The following CRADD variants were observed in gnomAD, a reference collection of about 807,000 sequenced individuals.
The protein encoded by CRADD is CARD and death domain containing adaptor protein.
CRADD carries 9 observed loss-of-function variants against 15.5 expected under a neutral mutation model. The observed-to-expected ratio is 0.58, with a 90% CI of 0.35 to 1.01. The LOEUF is 1.01. CRADD is among the 50% of genes least tolerant of loss of function. The pLI is 0.02. For synonymous variants in CRADD, 118 were observed against 107.6 expected, an observed-to-expected ratio of 1.10 and a Z score of -0.60; for missense variants, 227 against 250.3, an observed-to-expected ratio of 0.91 and a Z score of 0.63.
At chr12:93,782,181 T>C (rs1957217856) in intron 2 of CRADD, among the ~76,000 whole-genome samples, 1 of 152,182 alleles carries the variant, frequency 6.6e-6, no homozygotes, top group South Asian at 2.1e-4. Flanking sequence ...GATGAGTTCA[T>C]GTCCTTTGTA....
At chr12:93,784,613 T>G (rs1348422440) in intron 2 of CRADD, among the ~76,000 whole-genome samples, 4 of 152,018 alleles carry the variant, frequency 2.6e-5, no homozygotes, top group Non-Finnish European at 5.9e-5. Context: ...GTGTCAGAGC[T>G]GTTTTTCAGC....
At chr12:93,807,730 G>A (rs374111969) in intron 2 of CRADD, among the ~76,000 whole-genome samples, 1 of 151,980 alleles carries the variant, frequency 6.6e-6, no homozygotes. Context: ...GGTCAGAAGT[G>A]GCTTCTCAAA....
At chr12:93,792,975 A>T (rs1253096675) in intron 2 of CRADD, among the ~76,000 whole-genome samples, 1 of 152,208 alleles carries the variant, frequency 6.6e-6, no homozygotes, top group African/African-American at 2.4e-5. Flanking sequence ...TGTATCTAGG[A>T]TCACAGATAA....
intron 2 of CRADD, among the ~76,000 whole-genome samples, chr12:93,862,501 A>G (rs1958326622): frequency 6.6e-6 from 1 of 152,102 alleles, no homozygotes; most frequent in Admixed American, 6.6e-5. Flanking sequence ...GGTGTGCTAG[A>G]GGAAGGGGAA....
chr12:93,711,034 A>AACCCC (rs1956057854), intron 2 of CRADD, among the ~76,000 whole-genome samples: 1 of 36,484 alleles, frequency 2.7e-5, no homozygotes, highest in Admixed American at 2.5e-4. Flanking sequence ...GCCCCCCTCC[A>AACCCC]CCCCACCCTC....
At chr12:93,687,821 A>G (rs1565871487) in intron 2 of CRADD, among the ~76,000 whole-genome samples, 2 of 152,202 alleles carry the variant, frequency 1.3e-5, no homozygotes, top group Non-Finnish European at 2.9e-5. Context: ...CAGACCCCAT[A>G]CAGGGGGTGA....
intron 2 of CRADD, among the ~76,000 whole-genome samples, chr12:93,838,795 C>A (rs1454699688): frequency 6.6e-6 from 1 of 151,788 alleles, no homozygotes; most frequent in Non-Finnish European, 1.5e-5. Flanking sequence ...GGCTCTTTCA[C>A]CCAAGCTGAA....
At position 93,776,523 on chromosome 12, in the gene CRADD, T is replaced by G. The variant is rs969717732; in HGVS notation, c.299-73447T>G. On this transcript the variant is annotated intron_variant, in intron 2 of 2. Transcript: ENST00000332896. The stretch of plus-strand genomic sequence containing the variant: ...AAGGCTTTTTCTTTTTAAAGAGGAC[T>G]TGAAGCCAGAGAAGAGGAGACAAAG... Among the ~76,000 whole-genome samples, 6 of 152,282 alleles carry G rather than the reference T, an allele frequency of 3.9e-5. No homozygotes were observed. In the South Asian group the frequency reaches 6.2e-4, roughly 16 times the overall value.
intron 2 of CRADD, among the ~76,000 whole-genome samples, chr12:93,787,846 C>T (rs996996846): frequency 1.3e-5 from 2 of 152,286 alleles, no homozygotes; most frequent in East Asian, 3.9e-4. Flanking sequence ...GGCATTATCA[C>T]TTACCATGGT....
At chr12:93,745,287 T>A (rs1399702127) in intron 2 of CRADD, among the ~76,000 whole-genome samples, 1 of 152,198 alleles carries the variant, frequency 6.6e-6, no homozygotes, top group Non-Finnish European at 1.5e-5. Flanking sequence ...GAAGTATGAA[T>A]TACATATGGG....
rs76486856 is a variant in CRADD at position 93,820,576 on chromosome 12, G to A, written c.299-29394G>A. ...AAAAAAAAAAAAGAAAAAAAAGCAT[G>A]CTCCCCTCTGAGAAGACGCATCACT... On this transcript the variant is annotated intron_variant, in intron 2 of 2. Transcript: ENST00000332896. 8.9e-3 allele frequency among the ~76,000 whole-genome samples: 1,351 copies of A among 151,656 alleles called. 23 individuals carry two copies. The highest frequency in any genetic ancestry group is 0.029 in the African/African-American group (1,195 of 41,394).
intron 2 of CRADD, among the ~76,000 whole-genome samples, chr12:93,759,521 T>A (rs1956926690): frequency 6.6e-6 from 1 of 152,172 alleles, no homozygotes. Flanking sequence ...CCCCAGAGAA[T>A]ACTGTTTGAC....
intron 2 of CRADD, among the ~76,000 whole-genome samples, chr12:93,872,669 T>C (rs1303623339): frequency 6.6e-6 from 1 of 152,144 alleles, no homozygotes; most frequent in Non-Finnish European, 1.5e-5. Flanking sequence ...GACTATCTTT[T>C]CCCCAGTGTA....
rs182541273 is a variant in CRADD, at chr12:93,712,193, A to C, written c.298+33121A>C. ...TTAATGAAAGAGGTACATACTTCGT[A>C]GAGTTGTTAAGAGGATTAAACTAGT... On this transcript the variant is annotated intron_variant, in intron 2 of 2. Coordinates refer to ENST00000332896, the MANE Select transcript of CRADD (RefSeq NM_003805.5). 2.0e-5 allele frequency among the ~76,000 whole-genome samples: 3 copies of C among 152,328 alleles called. No individual in the cohort carries two copies. The East Asian group carries it at 5.8e-4, about 29-fold the overall frequency.
At chr12:93,789,380 G>C (rs1411541950) in intron 2 of CRADD, among the ~76,000 whole-genome samples, 1 of 152,152 alleles carries the variant, frequency 6.6e-6, no homozygotes, top group African/African-American at 2.4e-5. Flanking sequence ...GAGCATGAAA[G>C]AACTGAAGAT....
chr12:93,743,387 A>AG (rs1239345804), intron 2 of CRADD, among the ~76,000 whole-genome samples: 1 of 152,144 alleles, frequency 6.6e-6, no homozygotes, highest in Non-Finnish European at 1.5e-5. Context: ...GCCGGAGTGC[A>AG]GTGGGTCCAA....
chr12:93,859,562 A>G (rs933072790), intron 2 of CRADD: 19 of 318,728 alleles, frequency 6.0e-5, no homozygotes, highest in South Asian at 5.2e-4. Context: ...TTAATGAAGA[A>G]TAACTCAAAG....
intron 2 of CRADD, among the ~76,000 whole-genome samples, chr12:93,863,768 A>T (rs1229901126): frequency 6.6e-6 from 1 of 152,106 alleles, no homozygotes; most frequent in Non-Finnish European, 1.5e-5. Flanking sequence ...CACCCCCAAT[A>T]AGCACTGCTG....
At chr12:93,782,327 C>T (rs1332046353) in intron 2 of CRADD, among the ~76,000 whole-genome samples, 2 of 136,494 alleles carry the variant, frequency 1.5e-5, no homozygotes, top group African/African-American at 5.7e-5. Flanking sequence ...GAACATCACA[C>T]ACCGGGGACT....
Sources: allele counts gnomAD v4.1 joint callset (sites outside exome capture counted in the v4.1 genomes callset), GRCh38; gene constraint gnomAD v4.1.1; transcripts MANE v1.5; gene names NCBI Gene and HGNC (gene_info 2026-07-23, HGNC 2026-07-21).